The following KMT2C variants were observed in gnomAD, a reference collection of about 807,000 sequenced individuals.
KMT2C encodes the protein lysine methyltransferase 2C.
A neutral mutation model predicts 507.9 loss-of-function variants in KMT2C; 88 were observed. That is an observed-to-expected ratio of 0.17 (90% confidence interval 0.15 to 0.21). KMT2C has a LOEUF of 0.21. Ranked by LOEUF, KMT2C falls within the 10% of genes least tolerant of loss-of-function variation. The probability of loss-of-function intolerance (pLI) is 1.00; values close to 1 mark genes in which losing one functional copy is unlikely to be tolerated. For synonymous variants in KMT2C, 2,049 were observed against 2,080.8 expected (o/e 0.98, Z 0.42); for missense variants, 4,954 against 5,957.8 (o/e 0.83, Z 5.55).
intron 2 of KMT2C, among the ~76,000 whole-genome samples, chr7:152,337,672 G>A (rs1295757408): frequency 6.6e-6 from 1 of 151,742 alleles, no homozygotes; most frequent in East Asian, 1.9e-4. Flanking sequence ...CGTCATTTAA[G>A]ACAGACAATA....
intron 1 of KMT2C, among the ~76,000 whole-genome samples, chr7:152,392,785 C>CA (rs2097509428): frequency 6.6e-6 from 1 of 151,912 alleles, no homozygotes; most frequent in Non-Finnish European, 1.5e-5. Context: ...TCAAAACCTC[C>CA]AAAAAACACT....
chr7:152,183,868 C>T (rs1349188157), intron 34 of KMT2C, among the ~76,000 whole-genome samples: 2 of 151,224 alleles, frequency 1.3e-5, no homozygotes, highest in Non-Finnish European at 2.9e-5. Context: ...TGCACTCCAG[C>T]CTGGGCAACA....
chr7:152,302,155 T>C (rs976001817), intron 6 of KMT2C, among the ~76,000 whole-genome samples: 14 of 152,056 alleles, frequency 9.2e-5, no homozygotes, highest in Non-Finnish European at 1.6e-4. Flanking sequence ...CAGCAGGGGA[T>C]GAGGGTGGAG....
chr7:152,230,161 A>C lies in KMT2C; in HGVS notation c.2871+59T>G. On this transcript the variant is annotated intron_variant, in intron 17 of 58. Coordinates refer to ENST00000262189, the MANE Select transcript of KMT2C (RefSeq NM_170606.3). ...GAATGACTTCTGTGTATATGAGATAAAGCAGAAATGTGCAAGGAGGAATTC... is the reference window on the plus strand; with the variant it reads ...GAATGACTTCTGTGTATATGAGATACAGCAGAAATGTGCAAGGAGGAATTC... 3 of 1,088,622 alleles carry C rather than the reference A, an allele frequency of 2.8e-6. No homozygotes were observed. In the South Asian group the frequency reaches 4.0e-5, roughly 15 times the overall value. 67.4% of individuals were successfully genotyped at this position (1,088,622 alleles called of 1,614,324 possible).
At chr7:152,247,787 A>T (rs1286588805) in intron 14 of KMT2C, 115 bp downstream of exon 14, 2 of 839,936 alleles carry the variant, frequency 2.4e-6, no homozygotes, top group African/African-American at 3.4e-5. Flanking sequence ...ATTACACTGA[A>T]GTTCTATCTG....
At chr7:152,391,398 C>T (rs1418502166) in intron 1 of KMT2C, among the ~76,000 whole-genome samples, 9 of 150,378 alleles carry the variant, frequency 6.0e-5, no homozygotes, top group Non-Finnish European at 7.4e-5. Context: ...CCTGCCACCA[C>T]GCCTAGCTAG....
chr7:152,209,337 G>A (rs1430220052), intron 23 of KMT2C, among the ~76,000 whole-genome samples: 3 of 148,398 alleles, frequency 2.0e-5, no homozygotes, highest in Admixed American at 6.7e-5. Context: ...GGTGCCTGTA[G>A]TCCCAGCTAC....
At chr7:152,220,944 T>C (rs532735373) in intron 22 of KMT2C, among the ~76,000 whole-genome samples, 19 of 152,202 alleles carry the variant, frequency 1.2e-4, no homozygotes, top group South Asian at 4.1e-4. Flanking sequence ...GGCAGAAAGG[T>C]TGCATGTTTT....
intron 53 of KMT2C, among the ~76,000 whole-genome samples, chr7:152,146,235 G>A (rs2091086141): frequency 1.3e-5 from 2 of 152,138 alleles, no homozygotes; most frequent in Admixed American, 1.3e-4. Flanking sequence ...AAATACCCAA[G>A]TGTCAGGAAA....
intron 1 of KMT2C, among the ~76,000 whole-genome samples, chr7:152,375,789 T>C (rs1223002045): frequency 1.3e-5 from 2 of 152,178 alleles, no homozygotes; most frequent in Non-Finnish European, 1.5e-5. Context: ...TCATTATTAT[T>C]ATATCTGTGA....
At position 152,152,896 on chromosome 7, in the gene KMT2C, C is replaced by G. The variant is rs780029434; in HGVS notation, c.12335G>C (p.Ser4112Thr). The G allele has an allele frequency of 6.2e-7, 1 of 1,614,178 alleles. No homozygotes were observed. Among genetic ancestry groups the G allele is most frequent in the Non-Finnish European group, 8.5e-7 (1 of 1,180,024 alleles). ...ATCTGGAGCACTGCTAACCTCATAG[C>G]TGTTAGGGATTCGGACGTGAAGAAG... is the stretch of plus-strand genomic sequence containing the variant. ...SDLLHVRIPN[S>T]YEVSSAPDVP... The change falls in exon 49 of 59, where the codon AGC becomes ACC. Residue 4112 changes from serine (S) to threonine (T), a missense_variant. Ser to Thr is a moderately conservative substitution (Grantham distance 58, BLOSUM62 1). Around this residue, in one of 29 missense-constraint regions of KMT2C, gnomAD observed 417 missense variants for 461.1 expected, o/e 0.90. Transcript: ENST00000262189.
chr7:152,326,346 A>G (rs1254365869), intron 3 of KMT2C, among the ~76,000 whole-genome samples: 1 of 152,082 alleles, frequency 6.6e-6, no homozygotes, highest in African/African-American at 2.4e-5. Flanking sequence ...TGTGATCCTT[A>G]ATCTTTCCAA....
chr7:152,166,432 G>A (rs548939222), intron 42 of KMT2C, among the ~76,000 whole-genome samples: 134 of 152,158 alleles, frequency 8.8e-4, no homozygotes, highest in African/African-American at 3.1e-3. Context: ...TGAACCTTAA[G>A]TTTTTAATTT....
intron 16 of KMT2C, among the ~76,000 whole-genome samples, chr7:152,234,301 T>C (rs545976377): frequency 2.2e-4 from 33 of 152,000 alleles, no homozygotes; most frequent in African/African-American, 7.5e-4. Flanking sequence ...GGAAATCACT[T>C]GAACCTGGGA....
At chr7:152,410,891 C>A (rs2024151) in intron 1 of KMT2C, among the ~76,000 whole-genome samples, 1 of 150,152 alleles carries the variant, frequency 6.7e-6, no homozygotes, top group African/African-American at 2.4e-5. Flanking sequence ...ACGGCCCCAG[C>A]TACTTGGGAG....
At chr7:152,420,151 T>G (rs1293857378) in intron 1 of KMT2C, among the ~76,000 whole-genome samples, 1 of 152,222 alleles carries the variant, frequency 6.6e-6, no homozygotes, top group East Asian at 1.9e-4. Flanking sequence ...TGATTTTGCC[T>G]AACATCCTCC....
Position 152,318,380 on chromosome 7 carries a change from G to A in KMT2C, c.390-3042C>T, listed in dbSNP as rs564740256. ...GCACTTTGGGAGGCCTAGTTGGGCA[G>A]ATCACCTGAGGTCAGTTCGAAATCA... On this transcript the variant is annotated intron_variant, in intron 3 of 58. Coordinates refer to ENST00000262189, the MANE Select transcript of KMT2C (RefSeq NM_170606.3). Among the ~76,000 whole-genome samples the A allele has an allele frequency of 2.0e-4, 30 of 152,116 alleles. No individual in the cohort carries two copies. In the South Asian group the frequency reaches 2.5e-3, roughly 13 times the overall value.
intron 11 of KMT2C, 64 bp downstream of exon 11, chr7:152,251,875 G>T: frequency 8.5e-7 from 1 of 1,177,138 alleles, no homozygotes; most frequent in Non-Finnish European, 1.2e-6. Context: ...GCAATATATT[G>T]GTGATACAAT....
At chr7:152,356,019 G>A (rs1459255220) in intron 2 of KMT2C, among the ~76,000 whole-genome samples, 1 of 151,950 alleles carries the variant, frequency 6.6e-6, no homozygotes, top group Non-Finnish European at 1.5e-5. Flanking sequence ...TACATGAGAG[G>A]GGACACAATG....
Sources: allele counts gnomAD v4.1 joint callset (sites outside exome capture counted in the v4.1 genomes callset), GRCh38; gene constraint gnomAD v4.1.1; regional missense constraint gnomAD v4.1.1; transcripts MANE v1.5; gene names NCBI Gene and HGNC (gene_info 2026-07-23, HGNC 2026-07-21).